PACS1: variants seen among roughly 807,000 people sequenced by gnomAD.
PACS1 encodes phosphofurin acidic cluster sorting protein 1, also known as PACS-1.
In PACS1, 24 loss-of-function variants were observed where a neutral mutation model predicts 115.0. That is an observed-to-expected ratio of 0.21 (90% CI 0.15 to 0.29). The LOEUF (loss-of-function observed/expected upper bound fraction) is 0.29. PACS1 is among the 10% of genes least tolerant of loss of function. PACS1 has a pLI of 1.00. For synonymous variants in PACS1, 453 were observed against 504.5 expected (o/e 0.90, Z 1.37); for missense variants, 838 against 1,251.2 (o/e 0.67, Z 4.98).
chr11:66,154,665 A>G (rs998264416), intron 1 of PACS1, among the ~76,000 whole-genome samples: 5 of 152,234 alleles, frequency 3.3e-5, no homozygotes, highest in African/African-American at 4.8e-5. Context: ...AACAAAATGT[A>G]TGTAAAACTT....
Position 66,243,381 on chromosome 11 carries a change from G to C in PACS1, c.*101G>C. ...GGCCCGGGCCCAGCACCCCTTCCCT[G>C]GCACCAGGGTCTGCCTCTCACTCGC... On this transcript the variant is annotated 3_prime_UTR_variant, in exon 24 of 24. Coordinates refer to ENST00000320580, the MANE Select transcript of PACS1 (RefSeq NM_018026.4). 1.3e-6 allele frequency: 1 copy of C among 764,060 alleles called. No individual in the cohort carries two copies. The highest frequency in any genetic ancestry group is 2.2e-6 in the Non-Finnish European group (1 of 462,086). The allele number at this position is 764,060 out of a possible 1,614,324, so 47.3% of individuals were successfully genotyped here.
At chr11:66,152,637 T>C (rs752368728) in intron 1 of PACS1, among the ~76,000 whole-genome samples, 1 of 152,206 alleles carries the variant, frequency 6.6e-6, no homozygotes, top group Non-Finnish European at 1.5e-5. Context: ...TTGCAGCTCA[T>C]GAGTGTGACG....
rs1289697620 is a variant in PACS1, at chr11:66,235,130, G to T, written c.2105-171G>T. 6.6e-6 allele frequency among the ~76,000 whole-genome samples: 1 copy of T among 152,136 alleles called. No homozygotes were observed. Among genetic ancestry groups the T allele is most frequent in the Non-Finnish European group, 1.5e-5 (1 of 68,010 alleles). On this transcript the variant is annotated intron_variant, in intron 17 of 23. Coordinates refer to ENST00000320580, the MANE Select transcript of PACS1 (RefSeq NM_018026.4). This position sits in a 1 kb window ranked among gnomAD's most constrained non-coding sequence, Gnocchi z 5.6. ...GGAACTGCAAAGATTGGAAGGGAGA[G>T]GACCATCCTTGGGCTCATGATTCCT... is the stretch of plus-strand genomic sequence containing the variant.
chr11:66,158,114 G>A (rs796356524), intron 1 of PACS1, among the ~76,000 whole-genome samples: 9 of 152,210 alleles, frequency 5.9e-5, no homozygotes, highest in African/African-American at 1.9e-4. Context: ...CTACAGATAC[G>A]CGCCACCACA....
chr11:66,126,351 C>G (rs1858571052), intron 1 of PACS1, among the ~76,000 whole-genome samples: 1 of 152,192 alleles, frequency 6.6e-6, no homozygotes, highest in African/African-American at 2.4e-5. Context: ...TTAGTCACAA[C>G]AGGTTCACAA....
Position 66,230,879 on chromosome 11 carries a change from T to C in PACS1, c.1565T>C (p.Leu522Pro), listed in dbSNP as rs1483921266. The change falls in exon 13 of 24, where the codon CTA becomes CCA. Residue 522 changes from leucine (L) to proline (P), a missense_variant. Leu to Pro is a moderately conservative substitution (Grantham distance 98). Coordinates refer to ENST00000320580, the MANE Select transcript of PACS1 (RefSeq NM_018026.4). The stretch of plus-strand genomic sequence containing the variant: ...AAGGAGCGGCAGCTCTCCAAGCCCC[T>C]AAGTGAGAGGACCAACAGTTCCGAC... The part of the protein sequence containing the change: ...PLKERQLSKP[L>P]SERTNSSDSE... 1 of 1,614,010 alleles carries C rather than the reference T, an allele frequency of 6.2e-7. No individual in the cohort carries two copies. Among genetic ancestry groups the C allele is most frequent in the East Asian group, 2.2e-5 (1 of 44,890 alleles).
intron 1 of PACS1, among the ~76,000 whole-genome samples, chr11:66,184,433 T>A (rs1232186581): frequency 6.6e-6 from 1 of 152,120 alleles, no homozygotes; most frequent in Non-Finnish European, 1.5e-5. Flanking sequence ...AAATGCAAGT[T>A]GAGGATCATT....
chr11:66,115,208 C>CAAA lies in PACS1; in HGVS notation c.356+44385_356+44387dup, dbSNP rs71455703. ...CAGGTAATAGAGCGAGACCCTATCT[C>CAAA]AAAAAAAAAAAAAAAAAAAAACTAG... On this transcript the variant is annotated intron_variant, in intron 1 of 23. Coordinates refer to ENST00000320580, the MANE Select transcript of PACS1 (RefSeq NM_018026.4). 2.9e-3 allele frequency among the ~76,000 whole-genome samples: 230 copies of CAAA among 80,330 alleles called. 2 individuals are homozygous for CAAA. The highest frequency in any genetic ancestry group is 9.3e-3 in the African/African-American group (209 of 22,496). 52.7% of individuals were successfully genotyped at this position (80,330 alleles called of 152,430 possible).
intron 1 of PACS1, among the ~76,000 whole-genome samples, chr11:66,168,977 T>G (rs1859675012): frequency 6.6e-6 from 1 of 150,410 alleles, no homozygotes; most frequent in South Asian, 2.1e-4. Context: ...TTTCTTCCAT[T>G]TCAAACTTCA....
At chr11:66,213,849 C>T (rs1304981882) in intron 4 of PACS1, among the ~76,000 whole-genome samples, 2 of 151,906 alleles carry the variant, frequency 1.3e-5, no homozygotes, top group East Asian at 1.9e-4. Context: ...CTGGCTAACA[C>T]GGTGAAACCC....
intron 1 of PACS1, among the ~76,000 whole-genome samples, chr11:66,175,428 A>AT (rs1269853918): frequency 2.0e-5 from 3 of 151,886 alleles, no homozygotes; most frequent in Non-Finnish European, 4.4e-5. Flanking sequence ...AATTCTGGAA[A>AT]TTTTTTTGCC....
intron 1 of PACS1, among the ~76,000 whole-genome samples, chr11:66,140,539 T>C (rs1234637382): frequency 6.6e-6 from 1 of 151,992 alleles, no homozygotes; most frequent in Non-Finnish European, 1.5e-5. Context: ...GTAGAACACT[T>C]TGTTTCGTTT....
At chr11:66,204,535 A>G (rs1854887586) in intron 2 of PACS1, among the ~76,000 whole-genome samples, 1 of 152,202 alleles carries the variant, frequency 6.6e-6, no homozygotes, top group Non-Finnish European at 1.5e-5. Context: ...ACAATAGCCA[A>G]GATTTGGAAG....
At chr11:66,207,287 T>C (rs1432221440) in intron 2 of PACS1, among the ~76,000 whole-genome samples, 1 of 152,040 alleles carries the variant, frequency 6.6e-6, no homozygotes, top group African/African-American at 2.4e-5. Context: ...GCCAACATGA[T>C]AAAACCTCAT....
intron 1 of PACS1, among the ~76,000 whole-genome samples, chr11:66,089,670 A>G (rs538151741): frequency 4.3e-4 from 66 of 152,290 alleles, no homozygotes; most frequent in African/African-American, 1.5e-3. Flanking sequence ...GGAAGAACAG[A>G]CGAGACAACT....
At chr11:66,197,779 G>A (rs560028678) in intron 2 of PACS1, among the ~76,000 whole-genome samples, 58 of 152,270 alleles carry the variant, frequency 3.8e-4, no homozygotes, top group Non-Finnish European at 6.8e-4. Flanking sequence ...GCAACAGAAC[G>A]AGACCTTGTC....
At chr11:66,077,380 T>A (rs978873181) in intron 1 of PACS1, among the ~76,000 whole-genome samples, 1 of 152,124 alleles carries the variant, frequency 6.6e-6, no homozygotes, top group East Asian at 1.9e-4. Flanking sequence ...CTAGACAACA[T>A]GGCAACCCCT....
At chr11:66,211,034 A>G in intron 3 of PACS1, 100 bp from the exon 4 acceptor site, 1 of 1,375,822 alleles carries the variant, frequency 7.3e-7, no homozygotes, top group South Asian at 1.2e-5. Flanking sequence ...CCTTTTAGAG[A>G]CAGGAAGAAT....
In PACS1 at chr11:66,070,896, C is replaced by T. The variant is rs1857297135; in HGVS notation, c.356+54C>T. 4 of 1,371,010 alleles carry T rather than the reference C, an allele frequency of 2.9e-6. No individual in the cohort carries two copies. The highest frequency in any genetic ancestry group is 3.9e-5 in the Admixed American group (1 of 25,762). The allele number at this position is 1,371,010 out of a possible 1,614,324, so 84.9% of individuals were successfully genotyped here. A position where few individuals can be genotyped will look rare whatever the true frequency, so the allele number is the denominator to read the frequency against. ...CGGGGGAGCGGGGTGGCCGCCGGGG[C>T]CCAGCCCTCCCCGCCCCAGCGCCCA... On this transcript the variant is annotated intron_variant, in intron 1 of 23. Coordinates refer to ENST00000320580, the MANE Select transcript of PACS1 (RefSeq NM_018026.4). The surrounding 1 kb of genome is among the most constrained non-coding windows in gnomAD (Gnocchi z 5.9).
Sources: gnomAD v4.1 joint callset for allele counts (sites outside exome capture counted in the v4.1 genomes callset) on GRCh38, gnomAD v4.1.1 for gene constraint, Gnocchi (gnomAD v3.1) non-coding constraint, MANE v1.5 for transcripts, NCBI Gene and HGNC (gene_info 2026-07-23, HGNC 2026-07-21) for gene names.